ME1: variants seen among roughly 807,000 people sequenced by gnomAD.
ME1 encodes NADP-dependent malic enzyme.
ME1 carries 74 observed loss-of-function variants against 66.4 expected under a neutral mutation model. The observed-to-expected ratio is 1.11, with a 90% CI of 0.92 to 1.35. ME1 has a LOEUF of 1.35. Among genes scored for constraint, ME1 ranks in the 40% most tolerant of loss-of-function variants. The probability of loss-of-function intolerance (pLI) is 0.00; values close to 1 mark genes in which losing one functional copy is unlikely to be tolerated. For missense variants in ME1, 750 were observed against 694.1 expected (o/e 1.08, Z -0.90); for synonymous variants, 251 against 235.6 (o/e 1.07, Z -0.60).
Position 83,431,001 on chromosome 6 carries a change from C to G in ME1, c.-47G>C, listed in dbSNP as rs780196058. 1.8e-5 allele frequency: 23 copies of G among 1,275,086 alleles called. No individual in the cohort carries two copies. The highest frequency in any genetic ancestry group is 3.3e-5 in the Admixed American group (1 of 29,968). The allele number at this position is 1,275,086 out of a possible 1,614,324, so 79.0% of individuals were successfully genotyped here. A position where few individuals can be genotyped will look rare whatever the true frequency, so the allele number is the denominator to read the frequency against. On this transcript the variant is annotated 5_prime_UTR_variant, in exon 1 of 14. Coordinates refer to ENST00000369705, the MANE Select transcript of ME1 (RefSeq NM_002395.6). Reference sequence around the variant, plus strand: ...CGGGGTCAGGCCGGGGCGGGCCGCACGCGCGGTGCAGGCGGCGGATGCTGC... The same window carrying G: ...CGGGGTCAGGCCGGGGCGGGCCGCAGGCGCGGTGCAGGCGGCGGATGCTGC...
intron 6 of ME1, among the ~76,000 whole-genome samples, chr6:83,256,299 T>C (rs181610354): frequency 9.7e-4 from 147 of 152,254 alleles, no homozygotes; most frequent in African/African-American, 3.4e-3. Flanking sequence ...CTACAGATTT[T>C]AAAAAATTAT....
chr6:83,255,378 A>G, intron 6 of ME1, among the ~76,000 whole-genome samples: 1 of 151,944 alleles, frequency 6.6e-6, no homozygotes, highest in Non-Finnish European at 1.5e-5. Flanking sequence ...TTATTTAGAC[A>G]GTGTTCCTAA....
chr6:83,231,388 A>G (rs1790303455), intron 9 of ME1, among the ~76,000 whole-genome samples: 1 of 152,194 alleles, frequency 6.6e-6, no homozygotes, highest in Non-Finnish European at 1.5e-5. Flanking sequence ...TGCTGAAAGA[A>G]TGCTGAAAAA....
intron 6 of ME1, among the ~76,000 whole-genome samples, chr6:83,287,576 C>A (rs1177636823): frequency 6.6e-6 from 1 of 152,090 alleles, no homozygotes. Flanking sequence ...GGGTTGGTTC[C>A]AAGTCTTTGC....
At chr6:83,233,974 T>G (rs551021146) in intron 9 of ME1, among the ~76,000 whole-genome samples, 1 of 152,178 alleles carries the variant, frequency 6.6e-6, no homozygotes, top group East Asian at 1.9e-4. Flanking sequence ...TATAACAACC[T>G]TTTAAAATGT....
intron 13 of ME1, among the ~76,000 whole-genome samples, chr6:83,214,524 G>A (rs1789955929): frequency 6.6e-6 from 1 of 152,082 alleles, no homozygotes; most frequent in South Asian, 2.1e-4. Flanking sequence ...CCTAATTATT[G>A]ACATGCTGCT....
chr6:83,354,540 T>C (rs1267660443), intron 3 of ME1, among the ~76,000 whole-genome samples: 5 of 152,204 alleles, frequency 3.3e-5, no homozygotes, highest in African/African-American at 7.2e-5. Flanking sequence ...TACTTAATTC[T>C]TTCTCATTAT....
chr6:83,420,857 G>T (rs573723511), intron 1 of ME1, among the ~76,000 whole-genome samples: 26 of 152,268 alleles, frequency 1.7e-4, no homozygotes, highest in African/African-American at 6.0e-4. Flanking sequence ...CATCCACAGA[G>T]AAATTTTTGT....
intron 6 of ME1, among the ~76,000 whole-genome samples, chr6:83,263,894 A>G (rs1491004394): frequency 1.3e-5 from 2 of 152,216 alleles, no homozygotes; most frequent in Non-Finnish European, 2.9e-5. Flanking sequence ...CAAGTTATCC[A>G]GAAGATCTAC....
At chr6:83,355,794 TAAA>T (rs1043467838) in intron 3 of ME1, among the ~76,000 whole-genome samples, 2 of 152,050 alleles carry the variant, frequency 1.3e-5, no homozygotes, top group African/African-American at 4.8e-5. Context: ...AGTTATAAAA[TAAA>T]AAAGTTTAAA....
At chr6:83,349,550 T>C (rs1206435837) in intron 4 of ME1, among the ~76,000 whole-genome samples, 2 of 152,212 alleles carry the variant, frequency 1.3e-5, no homozygotes, top group African/African-American at 4.8e-5. Flanking sequence ...CACACAAAGA[T>C]ACTCTCCATG....
In ME1 at chr6:83,400,855, C is replaced by G. The variant is rs142406824; in HGVS notation, c.213-2339G>C. Among the ~76,000 whole-genome samples the G allele has an allele frequency of 7.3e-3, 1,116 of 152,304 alleles. 11 individuals carry two copies. The highest frequency in any genetic ancestry group is 0.025 in the African/African-American group (1,043 of 41,564). On this transcript the variant is annotated intron_variant, in intron 2 of 13. Coordinates refer to ENST00000369705, the MANE Select transcript of ME1 (RefSeq NM_002395.6). ...TAACTTCCTTTCCCAATTTACCATTCTTTCCCTAACTCATTCTGCTCTAGA... is the reference window on the plus strand; with the variant it reads ...TAACTTCCTTTCCCAATTTACCATTGTTTCCCTAACTCATTCTGCTCTAGA...
intron 12 of ME1, among the ~76,000 whole-genome samples, chr6:83,222,204 T>A (rs1790107294): frequency 6.6e-6 from 1 of 152,218 alleles, no homozygotes; most frequent in Non-Finnish European, 1.5e-5. Flanking sequence ...ACATGCTCTC[T>A]TAGTAATTAG....
intron 5 of ME1, among the ~76,000 whole-genome samples, chr6:83,343,908 T>C (rs1454329773): frequency 6.6e-6 from 1 of 152,024 alleles, no homozygotes; most frequent in Non-Finnish European, 1.5e-5. Context: ...ATAATACATA[T>C]CTATCAATGC....
intron 5 of ME1, 144 bp downstream of exon 5, chr6:83,346,029 C>T (rs1051736703): frequency 1.1e-4 from 64 of 575,060 alleles, no homozygotes; most frequent in Admixed American, 9.9e-4. Flanking sequence ...AATTTTCTTA[C>T]AACAGTAAAG....
chr6:83,282,771 A>AG (rs1767321376), intron 6 of ME1, among the ~76,000 whole-genome samples: 1 of 152,202 alleles, frequency 6.6e-6, no homozygotes, highest in Non-Finnish European at 1.5e-5. Flanking sequence ...ATATATCCAA[A>AG]GGACTATAAA....
chr6:83,321,753 C>T (rs543448950), intron 5 of ME1, among the ~76,000 whole-genome samples: 1 of 152,338 alleles, frequency 6.6e-6, no homozygotes, highest in East Asian at 1.9e-4. Context: ...TCCAGCCTGA[C>T]AGCTCTGAAG....
intron 3 of ME1, among the ~76,000 whole-genome samples, chr6:83,354,435 C>T (rs1462498676): frequency 1.3e-5 from 2 of 152,114 alleles, no homozygotes; most frequent in Non-Finnish European, 1.5e-5. Flanking sequence ...CTTGGCCTCT[C>T]GTGGTTTTAA....
At chr6:83,413,317 T>C (rs566617606) in intron 1 of ME1, among the ~76,000 whole-genome samples, 75 of 152,354 alleles carry the variant, frequency 4.9e-4, no homozygotes, top group Non-Finnish European at 9.7e-4. Flanking sequence ...AAGAATATTT[T>C]AGGCCAGGCA....
Sources: allele counts gnomAD v4.1 joint callset (sites outside exome capture counted in the v4.1 genomes callset), GRCh38; gene constraint gnomAD v4.1.1; transcripts MANE v1.5; gene names NCBI Gene and HGNC (gene_info 2026-07-23, HGNC 2026-07-21).